The following OXR1 variants were observed in gnomAD, a reference collection of about 807,000 sequenced individuals.
OXR1 encodes the protein oxidation resistance 1, also known as oxidation resistance protein 1.
A neutral mutation model predicts 104.6 loss-of-function variants in OXR1; 41 were observed. That is an observed-to-expected ratio of 0.39 (90% confidence interval 0.31 to 0.51). The LOEUF (loss-of-function observed/expected upper bound fraction) is 0.51, where lower values mean the gene tolerates loss of function less well. Among genes scored for constraint, OXR1 ranks in the 20% least tolerant of loss-of-function variants. The pLI, the probability that OXR1 is intolerant of heterozygous loss-of-function variation, is 0.77. For synonymous variants in OXR1, 348 were observed against 348.4 expected (o/e 1.00, Z 0.01); for missense variants, 955 against 1,031.9 (o/e 0.93, Z 1.02).
At chr8:106,459,748 A>T (rs1201969456) in intron 2 of OXR1, among the ~76,000 whole-genome samples, 1 of 152,202 alleles carries the variant, frequency 6.6e-6, no homozygotes, top group Non-Finnish European at 1.5e-5. Context: ...CTGTCATGAT[A>T]TAGCCTCATT....
chr8:106,471,792 T>C (rs1821505796), intron 2 of OXR1, among the ~76,000 whole-genome samples: 1 of 151,902 alleles, frequency 6.6e-6, no homozygotes, highest in Admixed American at 6.6e-5. Flanking sequence ...ATTTTCACGC[T>C]ACGTGCTTTT....
intron 2 of OXR1, among the ~76,000 whole-genome samples, chr8:106,461,337 T>G (rs1267822750): frequency 6.6e-6 from 1 of 152,032 alleles, no homozygotes; most frequent in Non-Finnish European, 1.5e-5. Context: ...TTTAGGAGGC[T>G]GAGGTAGGTG....
At chr8:106,275,580 A>AT (rs2130474829) in intron 1 of OXR1, among the ~76,000 whole-genome samples, 1 of 152,330 alleles carries the variant, frequency 6.6e-6, no homozygotes, top group African/African-American at 2.4e-5. Flanking sequence ...GTACTAGGGA[A>AT]TACCTATGCT....
intron 1 of OXR1, among the ~76,000 whole-genome samples, chr8:106,274,600 A>ACCCCCCCCCC (rs11322065): frequency 9.2e-6 from 1 of 108,866 alleles, no homozygotes; most frequent in African/African-American, 3.5e-5. Flanking sequence ...CAGCAACGCC[A>ACCCCCCCCCC]CCCCCCCCCC....
chr8:106,639,387 AT>A (rs967884043), intron 3 of OXR1, among the ~76,000 whole-genome samples: 1 of 152,210 alleles, frequency 6.6e-6, no homozygotes, highest in African/African-American at 2.4e-5. Flanking sequence ...TGTAAATTTT[AT>A]TTTATACAGA....
At chr8:106,511,969 G>A (rs888219866) in intron 2 of OXR1, among the ~76,000 whole-genome samples, 25 of 152,198 alleles carry the variant, frequency 1.6e-4, no homozygotes, top group South Asian at 8.3e-4. Flanking sequence ...GAAATATTGC[G>A]TGTATAACAT....
intron 2 of OXR1, among the ~76,000 whole-genome samples, chr8:106,419,205 A>C (rs1337036340): frequency 6.6e-6 from 1 of 152,186 alleles, no homozygotes. Flanking sequence ...TAGAACATGC[A>C]TCTTACCCTG....
At chr8:106,702,589 A>C (rs143771317) in intron 7 of OXR1, among the ~76,000 whole-genome samples, 468 of 152,344 alleles carry the variant, frequency 3.1e-3, no homozygotes, top group Middle Eastern at 6.8e-3. Flanking sequence ...ATGCAAATTA[A>C]CATAAAAGGT....
At chr8:106,439,762 C>A (rs1819712281) in intron 2 of OXR1, among the ~76,000 whole-genome samples, 1 of 152,062 alleles carries the variant, frequency 6.6e-6, no homozygotes, top group Non-Finnish European at 1.5e-5. Context: ...TAATACTTAG[C>A]AACATGCCAC....
At chr8:106,286,695 A>G (rs1383983562) in intron 1 of OXR1, among the ~76,000 whole-genome samples, 1 of 148,642 alleles carries the variant, frequency 6.7e-6, no homozygotes, top group Non-Finnish European at 1.5e-5. Flanking sequence ...AACAAACATA[A>G]ATGAGCTGGA....
At chr8:106,394,072 T>C (rs1817684568) in intron 2 of OXR1, among the ~76,000 whole-genome samples, 1 of 152,048 alleles carries the variant, frequency 6.6e-6, no homozygotes, top group Non-Finnish European at 1.5e-5. Context: ...AGACCATAAC[T>C]GTTGTACAGA....
intron 2 of OXR1, among the ~76,000 whole-genome samples, chr8:106,490,253 A>G (rs1484689517): frequency 6.6e-6 from 1 of 152,198 alleles, no homozygotes; most frequent in African/African-American, 2.4e-5. Flanking sequence ...GAGTGCAGGA[A>G]TATGGTCAGT....
chr8:106,503,286 A>G (rs942375256), intron 2 of OXR1, among the ~76,000 whole-genome samples: 1 of 152,192 alleles, frequency 6.6e-6, no homozygotes, highest in Admixed American at 6.5e-5. Flanking sequence ...TGTAACAGGA[A>G]GTTAAAATTA....
chr8:106,482,242 G>A (rs1195145362), intron 2 of OXR1, among the ~76,000 whole-genome samples: 1 of 151,994 alleles, frequency 6.6e-6, no homozygotes, highest in Non-Finnish European at 1.5e-5. Flanking sequence ...GCTGTGAAGG[G>A]CTGTGGTATG....
chr8:106,673,817 T>C (rs986978583), intron 3 of OXR1, among the ~76,000 whole-genome samples: 19 of 152,278 alleles, frequency 1.2e-4, no homozygotes, highest in African/African-American at 4.1e-4. Flanking sequence ...ATTTAGAGGA[T>C]ACAAGTCCTA....
At chr8:106,599,138 G>A (rs1819754338) in intron 3 of OXR1, among the ~76,000 whole-genome samples, 1 of 152,190 alleles carries the variant, frequency 6.6e-6, no homozygotes, top group Admixed American at 6.5e-5. Flanking sequence ...ATGTGAGGAT[G>A]ACATTGCCTC....
chr8:106,659,388 C>T (rs555649158), intron 3 of OXR1, among the ~76,000 whole-genome samples: 8 of 152,264 alleles, frequency 5.3e-5, no homozygotes, highest in African/African-American at 1.9e-4. Context: ...ATTTTCCTTA[C>T]TTTACATAAA....
intron 3 of OXR1, among the ~76,000 whole-genome samples, chr8:106,571,021 G>T (rs1201646109): frequency 6.6e-6 from 1 of 151,774 alleles, no homozygotes; most frequent in Non-Finnish European, 1.5e-5. Flanking sequence ...AGCTACCCTT[G>T]AAGCACACGG....
chr8:106,694,690 T>C (rs1324407125), intron 7 of OXR1, among the ~76,000 whole-genome samples: 12 of 111,494 alleles, frequency 1.1e-4, no homozygotes, highest in African/African-American at 4.1e-4. Context: ...AATATATAAA[T>C]ATATGTTTAT....
Sources: gnomAD v4.1 joint callset for allele counts (sites outside exome capture counted in the v4.1 genomes callset) on GRCh38, gnomAD v4.1.1 for gene constraint, MANE v1.5 for transcripts, NCBI Gene and HGNC (gene_info 2026-07-23, HGNC 2026-07-21) for gene names.